NRG3: variants seen among roughly 807,000 people sequenced by gnomAD.
NRG3 encodes neuregulin 3.
NRG3 carries 31 observed loss-of-function variants against 66.9 expected under a neutral mutation model. The ratio of observed to expected loss-of-function variants is 0.46; its 90% CI spans 0.35 to 0.63. The LOEUF is 0.63. Ranked by LOEUF, NRG3 falls within the 20% of genes least tolerant of loss-of-function variation. The pLI is 0.00. For missense variants in NRG3, 910 were observed against 878.9 expected (o/e 1.04, Z -0.45); for synonymous variants, 393 against 359.4 (o/e 1.09, Z -1.06).
chr10:82,511,704 G>T (rs1262741123), intron 2 of NRG3, among the ~76,000 whole-genome samples: 1 of 152,198 alleles, frequency 6.6e-6, no homozygotes, highest in African/African-American at 2.4e-5. Flanking sequence ...GTCACTGGAA[G>T]AAAGGACAGA....
intron 2 of NRG3, among the ~76,000 whole-genome samples, chr10:82,619,726 A>G (rs751269750): frequency 4.6e-5 from 7 of 152,168 alleles, no homozygotes; most frequent in South Asian, 2.1e-4. Flanking sequence ...CTAATCTAAT[A>G]TGACTGGTGT....
At chr10:82,573,971 A>G (rs554240564) in intron 2 of NRG3, among the ~76,000 whole-genome samples, 2 of 151,926 alleles carry the variant, frequency 1.3e-5, no homozygotes, top group African/African-American at 2.4e-5. Context: ...GGAAAACACT[A>G]TGGAGGTTCC....
chr10:82,718,646 A>C (rs563483023), intron 2 of NRG3, among the ~76,000 whole-genome samples: 1 of 152,318 alleles, frequency 6.6e-6, no homozygotes, highest in Admixed American at 6.5e-5. Context: ...TGACTTAACA[A>C]CACAGGGTGG....
At chr10:82,398,491 ATGTGTGTGTGTGTG>A (rs1164444421) in intron 2 of NRG3, among the ~76,000 whole-genome samples, 4 of 139,092 alleles carry the variant, frequency 2.9e-5, no homozygotes, top group Admixed American at 1.4e-4. Flanking sequence ...GGCTTCGTGT[ATGTGTGTGTGTGTG>A]TGTGTGTGTG....
intron 2 of NRG3, among the ~76,000 whole-genome samples, chr10:82,364,906 C>A (rs971436378): frequency 1.3e-5 from 2 of 152,132 alleles, no homozygotes; most frequent in Non-Finnish European, 2.9e-5. Flanking sequence ...ATCTGACATG[C>A]TGATAGGAGT....
At chr10:82,977,691 T>A (rs2132633382) in intron 7 of NRG3, among the ~76,000 whole-genome samples, 1 of 151,952 alleles carries the variant, frequency 6.6e-6, no homozygotes, top group Non-Finnish European at 1.5e-5. Flanking sequence ...TTTAGGAAGT[T>A]AATGTTGGCT....
At chr10:82,592,749 A>G (rs2047054263) in intron 2 of NRG3, among the ~76,000 whole-genome samples, 2 of 152,184 alleles carry the variant, frequency 1.3e-5, no homozygotes, top group South Asian at 4.1e-4. Context: ...TGGAGGAAAT[A>G]GACGATTAAA....
At chr10:82,853,307 TG>T (rs1260946914) in intron 3 of NRG3, among the ~76,000 whole-genome samples, 1 of 152,166 alleles carries the variant, frequency 6.6e-6, no homozygotes, top group Non-Finnish European at 1.5e-5. Flanking sequence ...ATTTTAGGAT[TG>T]TTTTTTCTAG....
chr10:82,475,047 T>G (rs566651084), intron 2 of NRG3, among the ~76,000 whole-genome samples: 4 of 151,070 alleles, frequency 2.6e-5, no homozygotes, highest in African/African-American at 4.8e-5. Flanking sequence ...AGCTTTATAC[T>G]TTAAAAACCT....
In NRG3 at chr10:81,875,651, A is replaced by G. The variant is rs374704427; in HGVS notation, c.311A>G (p.Asp104Gly). 109 of 1,613,272 alleles carry G rather than the reference A, an allele frequency of 6.8e-5. No individual in the cohort carries two copies. Among genetic ancestry groups the G allele is most frequent in the East Asian group, 5.6e-4 (25 of 44,782 alleles). ...VKEYVPTDLV[D>G]SKGMGQDPFF... ...GAGTACGTGCCCACCGACCTAGTGG[A>G]CTCCAAGGGGATGGGCCAGGACCCC... is the stretch of plus-strand genomic sequence containing the variant. Residue 104 changes from aspartate (D) to glycine (G), a missense_variant, in exon 1 of 9, where the codon GAC (aspartate) becomes GGC (glycine). Coordinates refer to ENST00000372141, the MANE Select transcript of NRG3 (RefSeq NM_001010848.4). This position sits in a 1 kb window ranked among gnomAD's most constrained non-coding sequence, Gnocchi z 5.3.
intron 2 of NRG3, among the ~76,000 whole-genome samples, chr10:82,495,811 G>GAC (rs55671097): frequency 0.024 from 3,455 of 144,426 alleles, 41 homozygotes; most frequent in Middle Eastern, 0.062. Flanking sequence ...TTAGAGTGCA[G>GAC]ACACACACAC....
chr10:82,433,750 G>T (rs1303544220), intron 2 of NRG3, among the ~76,000 whole-genome samples: 1 of 152,178 alleles, frequency 6.6e-6, no homozygotes, highest in African/African-American at 2.4e-5. Context: ...TTGAAGATCA[G>T]ATGGTTGTAG....
intron 1 of NRG3, among the ~76,000 whole-genome samples, chr10:81,922,644 T>C (rs1322162476): frequency 6.6e-6 from 1 of 152,218 alleles, no homozygotes; most frequent in Non-Finnish European, 1.5e-5. Flanking sequence ...TCTTTAGTTT[T>C]TTCTTTTCCT....
intron 2 of NRG3, among the ~76,000 whole-genome samples, chr10:82,712,091 A>G (rs2056705412): frequency 6.6e-6 from 1 of 152,144 alleles, no homozygotes; most frequent in South Asian, 2.1e-4. Context: ...TTGCACCATT[A>G]GTTAGTTTCA....
At chr10:82,578,834 TAAG>T (rs976841396) in intron 2 of NRG3, among the ~76,000 whole-genome samples, 3 of 151,922 alleles carry the variant, frequency 2.0e-5, no homozygotes, top group Admixed American at 6.6e-5. Flanking sequence ...TTGGGAAATC[TAAG>T]AAGATTTTCG....
chr10:82,432,166 TG>T (rs1343935814), intron 2 of NRG3, among the ~76,000 whole-genome samples: 6 of 152,214 alleles, frequency 3.9e-5, no homozygotes, highest in African/African-American at 9.6e-5. Context: ...TTTACTGTTA[TG>T]CATATGTGCA....
At position 82,321,310 on chromosome 10, in the gene NRG3, G is replaced by GT. The variant is rs1554884245; in HGVS notation, c.824-37429_824-37428insT. ...CATCCTGTGGCAGGGGTGGGGGTGG[G>GT]GGTCAGGGAACTCTCCTGTTTCACC... On this transcript the variant is annotated intron_variant, in intron 1 of 8. Transcript: ENST00000372141. Among the ~76,000 whole-genome samples the GT allele has an allele frequency of 3.2e-4, 47 of 148,412 alleles. 1 individual carries two copies. Among genetic ancestry groups the GT allele is most frequent in the African/African-American group, 1.0e-3 (42 of 40,550 alleles).
Position 82,695,158 on chromosome 10 carries a change from G to A in NRG3, c.954-43419G>A, listed in dbSNP as rs142738585. 5.7e-3 allele frequency among the ~76,000 whole-genome samples: 868 copies of A among 152,110 alleles called. 4 individuals are homozygous for A. Among genetic ancestry groups the A allele is most frequent in the East Asian group, 0.033 (171 of 5,182 alleles). ...GAATAACTTCCAAATTTTCTGCAGCGAGCCTGTATCAATTTAAAATCAGAA... is the reference window on the plus strand; with the variant it reads ...GAATAACTTCCAAATTTTCTGCAGCAAGCCTGTATCAATTTAAAATCAGAA... On this transcript the variant is annotated intron_variant, in intron 2 of 8. Transcript: ENST00000372141.
intron 3 of NRG3, among the ~76,000 whole-genome samples, chr10:82,755,356 T>TCAAA (rs541756621): frequency 6.6e-6 from 1 of 152,108 alleles, no homozygotes; most frequent in South Asian, 2.1e-4. Flanking sequence ...TACACTCTTC[T>TCAAA]CAAACAATCA....
Sources: gnomAD v4.1 joint callset for allele counts (sites outside exome capture counted in the v4.1 genomes callset) on GRCh38, gnomAD v4.1.1 for gene constraint, Gnocchi (gnomAD v3.1) non-coding constraint, MANE v1.5 for transcripts, NCBI Gene and HGNC (gene_info 2026-07-23, HGNC 2026-07-21) for gene names.